The following TCERG1L variants were observed in gnomAD, a reference collection of about 807,000 sequenced individuals.
The protein encoded by TCERG1L is transcription elongation regulator 1-like protein.
TCERG1L carries 37 observed loss-of-function variants against 56.3 expected under a neutral mutation model. That is an observed-to-expected ratio of 0.66 (90% CI 0.51 to 0.87). The LOEUF (loss-of-function observed/expected upper bound fraction) is 0.87, where lower values mean the gene tolerates loss of function less well. TCERG1L is among the 40% of genes least tolerant of loss of function. The pLI is 0.00. For missense variants in TCERG1L, 799 were observed against 774.2 expected, an observed-to-expected ratio of 1.03 and a Z score of -0.38; for synonymous variants, 324 against 326.3, an observed-to-expected ratio of 0.99 and a Z score of 0.08.
chr10:131,299,949 T>C (rs1846742829), intron 3 of TCERG1L, among the ~76,000 whole-genome samples: 1 of 152,094 alleles, frequency 6.6e-6, no homozygotes, highest in African/African-American at 2.4e-5. Context: ...AACAGAAAAA[T>C]ATATATTTTA....
intron 8 of TCERG1L, among the ~76,000 whole-genome samples, chr10:131,132,203 G>A (rs899139730): frequency 1.3e-5 from 2 of 152,090 alleles, no homozygotes; most frequent in Non-Finnish European, 2.9e-5. Flanking sequence ...CTCAGTCCTC[G>A]GGCTGACTGC....
chr10:131,113,054 C>T lies in TCERG1L; in HGVS notation c.1395+3745G>A, dbSNP rs117082224. ...AGGCTGGGCCTGCAGGCAAGGCCTC[C>T]TTCTGCATCCCTGCGTTACCCTACC... On this transcript the variant is annotated intron_variant, in intron 9 of 11. Coordinates refer to ENST00000368642, the MANE Select transcript of TCERG1L (RefSeq NM_174937.4). Among the ~76,000 whole-genome samples the T allele has an allele frequency of 4.1e-4, 58 of 142,604 alleles. 16 individuals carry two copies. In the East Asian group the frequency reaches 0.013, roughly 31 times the overall value. 93.6% of individuals were successfully genotyped at this position (142,604 alleles called of 152,430 possible). A position where few individuals can be genotyped will look rare whatever the true frequency, so the allele number is the denominator to read the frequency against.
rs191987094 is a variant in TCERG1L at position 131,226,547 on chromosome 10, G to T, written c.856+33712C>A. On this transcript the variant is annotated intron_variant, in intron 4 of 11. Transcript: ENST00000368642. ...TAAAAATTAGGATTACAGCCATGAC[G>T]ATTAGCATTCAGCAGAAGCAAGCTT... Among the ~76,000 whole-genome samples, 342 of 152,252 alleles carry T rather than the reference G, an allele frequency of 2.2e-3. 1 individual carries two copies. The highest frequency in any genetic ancestry group is 3.8e-3 in the Non-Finnish European group (256 of 68,018).
chr10:131,116,749 T>C lies in TCERG1L; in HGVS notation c.1395+50A>G, dbSNP rs1203211358. 9 of 1,540,840 alleles carry C rather than the reference T, an allele frequency of 5.8e-6. No individual in the cohort carries two copies. The South Asian group carries it at 6.0e-5, about 10-fold the overall frequency. On this transcript the variant is annotated intron_variant, in intron 9 of 11. Coordinates refer to ENST00000368642, the MANE Select transcript of TCERG1L (RefSeq NM_174937.4). Reference sequence around the variant, plus strand: ...GGCAGGGACGGCCACTCAGCTGCTGTTCCCCCGGGTCTGCCGTAGGAGTGC... The same window carrying C: ...GGCAGGGACGGCCACTCAGCTGCTGCTCCCCCGGGTCTGCCGTAGGAGTGC...
intron 4 of TCERG1L, among the ~76,000 whole-genome samples, chr10:131,252,471 C>A (rs1846122406): frequency 6.6e-6 from 1 of 152,142 alleles, no homozygotes; most frequent in East Asian, 1.9e-4. Context: ...AGCTTTCTCC[C>A]ATCCAGACCC....
At chr10:131,308,427 A>G (rs1292166748) in intron 2 of TCERG1L, 36 bp from the exon 3 acceptor site, 3 of 1,575,448 alleles carry the variant, frequency 1.9e-6, no homozygotes, top group Non-Finnish European at 2.6e-6. Context: ...CACTGAAGGC[A>G]AGGTGCATGA....
At chr10:131,240,930 A>T (rs921172380) in intron 4 of TCERG1L, among the ~76,000 whole-genome samples, 1 of 152,228 alleles carries the variant, frequency 6.6e-6, no homozygotes, top group African/African-American at 2.4e-5. Flanking sequence ...CCTTTGGCTC[A>T]ATCCCAAGAG....
At chr10:131,310,258 A>G (rs1481084459) in intron 1 of TCERG1L, among the ~76,000 whole-genome samples, 2 of 152,222 alleles carry the variant, frequency 1.3e-5, no homozygotes, top group African/African-American at 4.8e-5. Context: ...GCACTCTGAT[A>G]TAACACCCCT....
intron 9 of TCERG1L, among the ~76,000 whole-genome samples, chr10:131,108,888 C>A (rs574242220): frequency 2.0e-5 from 3 of 152,312 alleles, no homozygotes; most frequent in Admixed American, 2.0e-4. Flanking sequence ...TGGCTCCGAG[C>A]GGCTGCCTGC....
chr10:131,138,485 C>T (rs1334442734), intron 7 of TCERG1L, among the ~76,000 whole-genome samples: 1 of 152,106 alleles, frequency 6.6e-6, no homozygotes, highest in Non-Finnish European at 1.5e-5. Context: ...ACCAAAGTTG[C>T]CCCATTACAA....
At chr10:131,263,128 G>A (rs74160883) in intron 3 of TCERG1L, among the ~76,000 whole-genome samples, 1,574 of 152,056 alleles carry the variant, frequency 0.01, 29 homozygotes, top group African/African-American at 0.036. Flanking sequence ...TGTCTTCCAC[G>A]GTGGCTATGC....
In TCERG1L at chr10:131,277,536, G is replaced by T. The variant is rs182063349; in HGVS notation, c.671-17092C>A. ...CACAGTCATGTCCACAAACTTGGCT[G>T]CTTAATGACGTTTTTGGAACCCTCC... On this transcript the variant is annotated intron_variant, in intron 3 of 11. Coordinates refer to ENST00000368642, the MANE Select transcript of TCERG1L (RefSeq NM_174937.4). Among the ~76,000 whole-genome samples the T allele has an allele frequency of 5.3e-4, 80 of 152,308 alleles. No homozygotes were observed. In the East Asian group the frequency reaches 9.1e-3, roughly 17 times the overall value.
chr10:131,168,928 A>G (rs1846061803), intron 4 of TCERG1L, among the ~76,000 whole-genome samples: 1 of 152,198 alleles, frequency 6.6e-6, no homozygotes. Context: ...CTGCGTGCAC[A>G]GGTCTATTTC....
chr10:131,213,559 G>A (rs753718773), intron 4 of TCERG1L, among the ~76,000 whole-genome samples: 13 of 152,196 alleles, frequency 8.5e-5, no homozygotes, highest in Non-Finnish European at 1.5e-4. Context: ...TGTCTGGCCC[G>A]GCTGCGCCTC....
At chr10:131,238,674 G>T in intron 4 of TCERG1L, among the ~76,000 whole-genome samples, 1 of 152,194 alleles carries the variant, frequency 6.6e-6, no homozygotes, top group East Asian at 1.9e-4. Flanking sequence ...TCCATGTGCA[G>T]CCCTGGCAAA....
At chr10:131,109,608 C>G (rs1014657709) in intron 9 of TCERG1L, among the ~76,000 whole-genome samples, 5 of 152,198 alleles carry the variant, frequency 3.3e-5, no homozygotes, top group African/African-American at 1.2e-4. Flanking sequence ...TTGCGGGTCC[C>G]TCACTGCACA....
At chr10:131,266,761 G>C (rs1846290760) in intron 3 of TCERG1L, among the ~76,000 whole-genome samples, 1 of 152,138 alleles carries the variant, frequency 6.6e-6, no homozygotes, top group Admixed American at 6.5e-5. Context: ...TCTCAGCAGA[G>C]AGGAGGCCTT....
intron 11 of TCERG1L, among the ~76,000 whole-genome samples, chr10:131,096,610 A>G (rs577702548): frequency 1.3e-5 from 2 of 152,228 alleles, no homozygotes; most frequent in South Asian, 4.2e-4. Context: ...CCATTTAAAA[A>G]CCGATGCAGG....
At chr10:131,227,233 T>A (rs1015223229) in intron 4 of TCERG1L, among the ~76,000 whole-genome samples, 1 of 152,260 alleles carries the variant, frequency 6.6e-6, no homozygotes, top group African/African-American at 2.4e-5. Flanking sequence ...AACCCAGTGC[T>A]GGTCACCATG....
Sources: gnomAD v4.1 joint callset for allele counts (sites outside exome capture counted in the v4.1 genomes callset) on GRCh38, gnomAD v4.1.1 for gene constraint, MANE v1.5 for transcripts, NCBI Gene and HGNC (gene_info 2026-07-23, HGNC 2026-07-21) for gene names.